Variants in POLE observed in about 807,000 individuals in gnomAD.
POLE encodes the protein DNA polymerase epsilon catalytic subunit A.
A neutral mutation model predicts 279.2 loss-of-function variants in POLE; 188 were observed. The ratio of observed to expected loss-of-function variants is 0.67; its 90% confidence interval spans 0.60 to 0.76. The LOEUF (loss-of-function observed/expected upper bound fraction) is 0.76. Ranked by LOEUF, POLE falls within the 30% of genes least tolerant of loss-of-function variation. The probability of loss-of-function intolerance (pLI) is 0.00; values close to 1 mark genes in which losing one functional copy is unlikely to be tolerated. For missense variants in POLE, 2,703 were observed against 3,016.7 expected (o/e 0.90, Z 2.44); for synonymous variants, 1,214 against 1,172.5 (o/e 1.04, Z -0.72).
rs2043147153 is a variant in POLE, at chr12:132,680,655, G to C, written c.237C>G (p.Gly79=). The C allele has an allele frequency of 1.9e-6, 3 of 1,613,882 alleles. No individual in the cohort carries two copies. The highest frequency in any genetic ancestry group is 1.7e-6 in the Non-Finnish European group (2 of 1,179,778). The change falls in exon 3 of 49, where the codon GGC becomes GGG. Residue 79 remains glycine (G), a synonymous_variant. Transcript: ENST00000320574. ...GAATAAAGTAGTAATCCACTGCACT[G>C]CCTAAGCGCTTATCTTCATCTAAAA... ...TEILDEDKRL[G]SAVDYYFIQD...
At chr12:132,632,843 AC>A (rs752333952) in intron 43 of POLE, 48 bp from the exon 44 acceptor site, 2 of 1,547,750 alleles carry the variant, frequency 1.3e-6, no homozygotes, top group Admixed American at 3.8e-5. Flanking sequence ...GCTGCTGCAA[AC>A]ACCCTAGAAT....
chr12:132,665,448 C>T lies in POLE; in HGVS notation c.2322G>A (p.Val774=), dbSNP rs1057524564. ...CGGCCGCCGAGAGCTTCTTTTTCCA[C>T]ACCTGAGAAGCACATGAACATGGAG... The part of the protein sequence containing the change: ...RRYEFKGLHK[V]WKKKLSAAVE... Residue 774 remains valine (V), a splice_region_variant and synonymous_variant, in exon 21 of 49, where the codon GTG becomes GTA. Transcript: ENST00000320574. 7 of 1,609,808 alleles carry T rather than the reference C, an allele frequency of 4.3e-6. No homozygotes were observed. Among genetic ancestry groups the T allele is most frequent in the Non-Finnish European group, 5.9e-6 (7 of 1,179,408 alleles).
rs1204588974 is a variant in POLE, at chr12:132,642,972, G to T, written c.4576C>A (p.Leu1526Ile). 2 of 1,595,356 alleles carry T rather than the reference G, an allele frequency of 1.3e-6. No homozygotes were observed. The highest frequency in any genetic ancestry group is 1.7e-6 in the Non-Finnish European group (2 of 1,174,350). ...DTVRSNQMPS[L>I]GALYSAEHGL... is the part of the protein sequence containing the mutation. ...TGCTCTGCTGAGTACAGGGCGCCAA[G>T]GCTGGGCATCTGGTTGCTGCGCACC... Residue 1526 changes from leucine to isoleucine, a missense_variant, in exon 36 of 49, where the codon CTT becomes ATT. Leu to Ile is a conservative substitution (Grantham distance 5). This residue lies in a region of POLE where 1,551 missense variants were observed against 1,686.1 expected (regional missense o/e 0.92). Transcript: ENST00000320574.
At position 132,644,058 on chromosome 12, in the gene POLE, G is replaced by A. The variant is rs1312798475; in HGVS notation, c.4150-81C>T. ...TACACACACAAAGCACACGCTATTCGGAGTCCTAGACTTCTGGTGCCCCTA... is the reference window on the plus strand; with the variant it reads ...TACACACACAAAGCACACGCTATTCAGAGTCCTAGACTTCTGGTGCCCCTA... On this transcript the variant is annotated intron_variant, in intron 32 of 48. Coordinates refer to ENST00000320574, the MANE Select transcript of POLE (RefSeq NM_006231.4). 32 of 1,428,438 alleles carry A rather than the reference G, an allele frequency of 2.2e-5. No individual in the cohort carries two copies. The East Asian group carries it at 3.5e-4, about 16-fold the overall frequency. The allele number at this position is 1,428,438 out of a possible 1,614,324, so 88.5% of individuals were successfully genotyped here.
intron 16 of POLE, among the ~76,000 whole-genome samples, chr12:132,671,539 G>T (rs2042927643): frequency 6.6e-6 from 1 of 151,290 alleles, no homozygotes; most frequent in Non-Finnish European, 1.5e-5. Context: ...TGTGGTGGCG[G>T]ATGCCTGTAA....
chr12:132,660,891 G>A (rs1478793304), intron 25 of POLE, 78 bp downstream of exon 25: 1 of 1,221,066 alleles, frequency 8.2e-7, no homozygotes, highest in African/African-American at 1.5e-5. Flanking sequence ...GTCTCCAGGA[G>A]CCCAGGAAGC....
At chr12:132,643,031 C>A (rs776251438) in intron 35 of POLE, 35 bp from the exon 36 acceptor site, 3 of 1,557,962 alleles carry the variant, frequency 1.9e-6, no homozygotes, top group Admixed American at 2.0e-5. Context: ...CCTCCCCCTG[C>A]GCAGGAGGAA....
Position 132,672,337 on chromosome 12 carries a change from AGAC to A in POLE, c.1687-18_1687-16del, listed in dbSNP as rs775458518. 1.9e-6 allele frequency: 3 copies of A among 1,603,626 alleles called. No individual in the cohort carries two copies. Among genetic ancestry groups the A allele is most frequent in the South Asian group, 1.1e-5 (1 of 90,874 alleles). ...GCGGCAGGATTCTAGCACAACAGTG[AGAC>A]GACGGGGTCAGAGGGGAAACACACC... On this transcript the variant is annotated splice_polypyrimidine_tract_variant and intron_variant, in intron 15 of 48. Transcript: ENST00000320574.
intron 38 of POLE, 37 bp downstream of exon 38, chr12:132,642,140 G>T (rs2042158630): frequency 2.7e-6 from 4 of 1,461,978 alleles, no homozygotes; most frequent in Non-Finnish European, 3.7e-6. Context: ...AGAAACACCA[G>T]CCAGGTCTCA....
chr12:132,662,943 C>T (rs1265396609), intron 23 of POLE, among the ~76,000 whole-genome samples: 1 of 152,170 alleles, frequency 6.6e-6, no homozygotes, highest in Non-Finnish European at 1.5e-5. Context: ...AGCAACGCTT[C>T]CCTACAGGAT....
At position 132,626,210 on chromosome 12, in the gene POLE, G is replaced by A. The variant is rs1555301220; in HGVS notation, c.6438C>T (p.Asp2146=). The change falls in exon 46 of 49, where the codon GAC becomes GAT. Residue 2146 remains aspartate (D), a synonymous_variant. Transcript: ENST00000320574. ...CAGGAAGCACGTAGGAGCGGCAGGGGTCTCGGAACTGGGCCTCCTCGGAGA... is the reference window on the plus strand; with the variant it reads ...CAGGAAGCACGTAGGAGCGGCAGGGATCTCGGAACTGGGCCTCCTCGGAGA... ...GEFSEEAQFR[D]PCRSYVLPEV... The A allele has an allele frequency of 6.2e-7, 1 of 1,613,882 alleles. No homozygotes were observed. Among genetic ancestry groups the A allele is most frequent in the South Asian group, 1.1e-5 (1 of 91,074 alleles).
At chr12:132,665,225 G>A in intron 21 of POLE, 77 bp downstream of exon 21, 1 of 1,443,702 alleles carries the variant, frequency 6.9e-7, no homozygotes, top group East Asian at 2.3e-5. Context: ...ATGCACAGCA[G>A]CCTACACCTG....
chr12:132,682,373 A>G, intron 1 of POLE, among the ~76,000 whole-genome samples: 1 of 151,942 alleles, frequency 6.6e-6, no homozygotes, highest in East Asian at 1.9e-4. Flanking sequence ...AATCCCAGCT[A>G]CTCAGGAGGC....
chr12:132,655,837 C>T (rs1047223981), intron 29 of POLE, among the ~76,000 whole-genome samples: 6 of 151,982 alleles, frequency 3.9e-5, no homozygotes, highest in Non-Finnish European at 8.8e-5. Context: ...GCTTTTCCTG[C>T]GTCCTATCTT....
chr12:132,646,457 T>C (rs890900938), intron 32 of POLE, among the ~76,000 whole-genome samples: 3 of 151,780 alleles, frequency 2.0e-5, no homozygotes, highest in Non-Finnish European at 4.4e-5. Flanking sequence ...GAAACTGTGA[T>C]GGTTAAGTGA....
At chr12:132,682,927 T>C (rs2043198744) in intron 1 of POLE, among the ~76,000 whole-genome samples, 4 of 151,650 alleles carry the variant, frequency 2.6e-5, no homozygotes, top group Admixed American at 2.6e-4. Context: ...CACTCCAGCC[T>C]GGGCGACAGA....
intron 29 of POLE, among the ~76,000 whole-genome samples, chr12:132,654,322 C>G (rs1440656015): frequency 1.3e-5 from 2 of 152,124 alleles, no homozygotes; most frequent in Non-Finnish European, 2.9e-5. Flanking sequence ...ATCCTCCCGC[C>G]TCTGCCTCCC....
Position 132,657,447 on chromosome 12 carries a change from G to A in POLE, c.3379-18C>T, listed in dbSNP as rs1057517632. The A allele has an allele frequency of 2.2e-5, 36 of 1,611,604 alleles. No homozygotes were observed. The highest frequency in any genetic ancestry group is 3.0e-5 in the Non-Finnish European group (35 of 1,178,168). On this transcript the variant is annotated intron_variant, in intron 27 of 48. Coordinates refer to ENST00000320574, the MANE Select transcript of POLE (RefSeq NM_006231.4). ...TCCAGAATCTGCATGTGCAGGAAAC[G>A]GGCACAGAGAACAGCAGGTGGCAGC...
intron 6 of POLE, 53 bp from the exon 7 acceptor site, chr12:132,677,772 G>A (rs1048020761): frequency 1.9e-6 from 3 of 1,577,350 alleles, no homozygotes; most frequent in African/African-American, 2.7e-5. Flanking sequence ...TGGAGGAGGT[G>A]AGACCAGAGT....
Sources: allele counts gnomAD v4.1 joint callset (sites outside exome capture counted in the v4.1 genomes callset), GRCh38; gene constraint gnomAD v4.1.1; regional missense constraint gnomAD v4.1.1; transcripts MANE v1.5; gene names NCBI Gene and HGNC (gene_info 2026-07-23, HGNC 2026-07-21).